Variants in TLE4 observed in about 807,000 individuals in gnomAD.
TLE4 encodes TLE family member 4, transcriptional corepressor.
TLE4 carries 8 observed loss-of-function variants against 92.8 expected under a neutral mutation model. The observed-to-expected ratio is 0.09, with a 90% CI of 0.05 to 0.16. The LOEUF is 0.16. TLE4 is among the 10% of genes least tolerant of loss of function. The pLI, the probability that TLE4 is intolerant of heterozygous loss-of-function variation, is 1.00. For synonymous variants in TLE4, 371 were observed against 374.1 expected, an observed-to-expected ratio of 0.99 and a Z score of 0.10; for missense variants, 675 against 997.6, an observed-to-expected ratio of 0.68 and a Z score of 4.36.
intron 9 of TLE4, 123 bp downstream of exon 9, chr9:79,705,025 A>G (rs2071121633): frequency 7.2e-7 from 1 of 1,395,890 alleles, no homozygotes; most frequent in Non-Finnish European, 9.8e-7. Flanking sequence ...GAGACAAAAA[A>G]CATTTATTGT....
In TLE4 at chr9:79,726,852, TTAAAG is replaced by T. The variant is rs1452943732; in HGVS notation, c.*1715_*1719del. 7 of 152,522 alleles carry T rather than the reference TTAAAG, an allele frequency of 4.6e-5. No homozygotes were observed. The highest frequency in any genetic ancestry group is 1.2e-4 in the African/African-American group (5 of 41,458). The allele number at this position is 152,522 out of a possible 1,614,324, so 9.4% of individuals were successfully genotyped here. ...CTAGTTTTTTCAAGGGAGATTGTTGTTAAAGTAAAGTGGTTTTTTTTGTTGTTAAA... is the reference window on the plus strand; with the variant it reads ...CTAGTTTTTTCAAGGGAGATTGTTGTTAAAGTGGTTTTTTTTGTTGTTAAA... On this transcript the variant is annotated 3_prime_UTR_variant, in exon 20 of 20. Transcript: ENST00000376552.
chr9:79,572,922 C>A, intron 1 of TLE4, 87 bp downstream of exon 1: 1 of 1,444,480 alleles, frequency 6.9e-7, no homozygotes, highest in Non-Finnish European at 9.4e-7. Context: ...GTCTTTTGGC[C>A]GGAGGGGCGT....
At chr9:79,627,348 A>G in intron 5 of TLE4, 26 bp from the exon 6 acceptor site, 1 of 1,609,070 alleles carries the variant, frequency 6.2e-7, no homozygotes, top group African/African-American at 1.3e-5. Context: ...AAATAATTGT[A>G]TTCTGTTTCT....
At chr9:79,634,595 T>C (rs2055201322) in intron 6 of TLE4, among the ~76,000 whole-genome samples, 1 of 152,162 alleles carries the variant, frequency 6.6e-6, no homozygotes, top group Non-Finnish European at 1.5e-5. Context: ...GCCACCACAA[T>C]CAAGATACAG....
intron 8 of TLE4, among the ~76,000 whole-genome samples, chr9:79,654,824 C>G (rs985727926): frequency 6.6e-6 from 1 of 152,096 alleles, no homozygotes; most frequent in East Asian, 1.9e-4. Flanking sequence ...TTAATGTGAT[C>G]ACTTATGAAC....
At chr9:79,703,182 G>T (rs1356135058) in intron 8 of TLE4, among the ~76,000 whole-genome samples, 5 of 152,108 alleles carry the variant, frequency 3.3e-5, no homozygotes, top group Non-Finnish European at 7.4e-5. Context: ...AGTGGTGATT[G>T]TTCTTCCTAT....
At chr9:79,592,710 A>G (rs1246600998) in intron 4 of TLE4, among the ~76,000 whole-genome samples, 3 of 152,228 alleles carry the variant, frequency 2.0e-5, no homozygotes, top group East Asian at 3.8e-4. Flanking sequence ...AAGTAGGTAC[A>G]GAATACTCAA....
At chr9:79,690,628 T>G (rs2066853222) in intron 8 of TLE4, among the ~76,000 whole-genome samples, 1 of 151,856 alleles carries the variant, frequency 6.6e-6, no homozygotes, top group Non-Finnish European at 1.5e-5. Context: ...TTTTTTTCTT[T>G]TTTCAAATTT....
chr9:79,592,183 CTCTTCT>C (rs57278935), intron 4 of TLE4, among the ~76,000 whole-genome samples: 18,990 of 135,028 alleles, frequency 0.14, 1,516 homozygotes, highest in African/African-American at 0.19. Flanking sequence ...CTTCCTCTTC[CTCTTCT>C]TCTTCTTCTT....
At position 79,677,187 on chromosome 9, in the gene TLE4, AAT is replaced by A. The variant is rs201460126; in HGVS notation, c.609+23113_609+23114del. ...AAAGATTAAATGAGACAGTGTGTGTAATTGCAGAGTGCCTGGCATTTTACTCA... is the reference window on the plus strand; with the variant it reads ...AAAGATTAAATGAGACAGTGTGTGTATGCAGAGTGCCTGGCATTTTACTCA... On this transcript the variant is annotated intron_variant, in intron 8 of 19. Coordinates refer to ENST00000376552, the MANE Select transcript of TLE4 (RefSeq NM_007005.6). Among the ~76,000 whole-genome samples the A allele has an allele frequency of 4.6e-5, 7 of 152,292 alleles. No homozygotes were observed. In the East Asian group the frequency reaches 1.3e-3, roughly 29 times the overall value.
chr9:79,701,969 A>G (rs1307081019), intron 8 of TLE4, among the ~76,000 whole-genome samples: 2 of 152,258 alleles, frequency 1.3e-5, no homozygotes, highest in Non-Finnish European at 2.9e-5. Context: ...AACAAAGAGG[A>G]ATGAATGATT....
At chr9:79,667,995 G>A (rs191915829) in intron 8 of TLE4, among the ~76,000 whole-genome samples, 6 of 152,212 alleles carry the variant, frequency 3.9e-5, no homozygotes, top group African/African-American at 1.2e-4. Context: ...GTGAAAAGTC[G>A]TTGAATAATT....
intron 8 of TLE4, among the ~76,000 whole-genome samples, chr9:79,679,243 G>C (rs1282481855): frequency 2.6e-5 from 4 of 152,108 alleles, no homozygotes; most frequent in Non-Finnish European, 5.9e-5. Context: ...CACCAATAGT[G>C]TAAAAGTGTT....
intron 8 of TLE4, among the ~76,000 whole-genome samples, chr9:79,679,898 C>G (rs1363110228): frequency 1.4e-4 from 21 of 152,024 alleles, no homozygotes; most frequent in African/African-American, 5.1e-4. Flanking sequence ...GCTTGTTTTT[C>G]TCAGGTTTGT....
chr9:79,641,843 C>T (rs1053583958), intron 6 of TLE4, among the ~76,000 whole-genome samples: 28 of 152,118 alleles, frequency 1.8e-4, no homozygotes, highest in African/African-American at 6.5e-4. Context: ...ACTCTCTCAC[C>T]TAGGAGATCA....
intron 4 of TLE4, among the ~76,000 whole-genome samples, chr9:79,598,013 A>G (rs1321320478): frequency 1.3e-5 from 2 of 149,876 alleles, no homozygotes; most frequent in African/African-American, 4.9e-5. Context: ...CAGGCGGATC[A>G]CGAGGTCAGG....
intron 6 of TLE4, among the ~76,000 whole-genome samples, chr9:79,644,180 G>T (rs183662454): frequency 6.6e-6 from 1 of 152,252 alleles, no homozygotes; most frequent in East Asian, 1.9e-4. Context: ...CACAAGATCT[G>T]ATGGTTTTAT....
At chr9:79,610,713 T>C (rs1026461081) in intron 4 of TLE4, among the ~76,000 whole-genome samples, 2 of 152,098 alleles carry the variant, frequency 1.3e-5, no homozygotes, top group Non-Finnish European at 2.9e-5. Flanking sequence ...ATAAAAAGGC[T>C]CTTCTCCTTT....
chr9:79,578,604 CCT>C (rs964686175), intron 4 of TLE4, among the ~76,000 whole-genome samples: 3 of 152,072 alleles, frequency 2.0e-5, no homozygotes, highest in Non-Finnish European at 4.4e-5. Flanking sequence ...CATCAGTCCC[CCT>C]GTGTTGATTC....
Sources: allele counts gnomAD v4.1 joint callset (sites outside exome capture counted in the v4.1 genomes callset), GRCh38; gene constraint gnomAD v4.1.1; transcripts MANE v1.5; gene names NCBI Gene and HGNC (gene_info 2026-07-23, HGNC 2026-07-21).